CCDC61: variants seen among roughly 807,000 people sequenced by gnomAD.
The protein encoded by CCDC61 is centrosomal protein CCDC61.
In CCDC61, 55 loss-of-function variants were observed where a neutral mutation model predicts 63.0. The observed-to-expected ratio is 0.87, with a 90% confidence interval of 0.70 to 1.09. The LOEUF (loss-of-function observed/expected upper bound fraction) is 1.09. CCDC61 is among the 50% of genes least tolerant of loss of function. The pLI, the probability that CCDC61 is intolerant of heterozygous loss-of-function variation, is 0.00. For synonymous variants in CCDC61, 270 were observed against 317.0 expected, an observed-to-expected ratio of 0.85 and a Z score of 1.58; for missense variants, 651 against 731.4, an observed-to-expected ratio of 0.89 and a Z score of 1.27.
rs749112812 is a variant in CCDC61, at chr19:46,016,374, C to CAG, written c.1080_1081dup (p.Ile361ArgfsTer4). ...CTTTGTGAAAGCCAAGGAAAGGAAG[C>CAG]AGAGAGAGATCCAGATGAAGTCAGT... On this transcript the variant is annotated frameshift_variant, in exon 9 of 14. Coordinates refer to ENST00000595358, the MANE Select transcript of CCDC61 (RefSeq NM_001267723.2). LOFTEE classifies it high-confidence loss of function. This position sits in a 1 kb window ranked among gnomAD's most constrained non-coding sequence, Gnocchi z 7.2. 2.5e-6 allele frequency: 4 copies of CAG among 1,613,952 alleles called. No individual in the cohort carries two copies. Among genetic ancestry groups the CAG allele is most frequent in the Non-Finnish European group, 3.4e-6 (4 of 1,179,868 alleles).
chr19:46,005,084 C>T (rs1029422033), intron 3 of CCDC61, among the ~76,000 whole-genome samples: 3 of 151,954 alleles, frequency 2.0e-5, no homozygotes, highest in Non-Finnish European at 4.4e-5. Context: ...GATATTGGCT[C>T]ACTGCAACCT....
intron 1 of CCDC61, among the ~76,000 whole-genome samples, chr19:45,997,879 G>A (rs916785772): frequency 2.0e-5 from 3 of 151,474 alleles, no homozygotes; most frequent in Admixed American, 2.0e-4. Flanking sequence ...CAGAGATGGG[G>A]TTTCACCATC....
chr19:46,012,516 G>A (rs1246255691), intron 5 of CCDC61, among the ~76,000 whole-genome samples: 4 of 152,186 alleles, frequency 2.6e-5, no homozygotes, highest in Admixed American at 6.5e-5. Flanking sequence ...GCAGGGTGGC[G>A]CATGCCTGTA....
At chr19:46,014,445 T>C (rs1480348532) in intron 5 of CCDC61, among the ~76,000 whole-genome samples, 2 of 152,194 alleles carry the variant, frequency 1.3e-5, no homozygotes, top group Non-Finnish European at 2.9e-5. Flanking sequence ...ACAGAGATAC[T>C]CTACTTTCCT....
chr19:45,999,280 A>G (rs1028271979), intron 1 of CCDC61, among the ~76,000 whole-genome samples: 2 of 150,592 alleles, frequency 1.3e-5, no homozygotes, highest in Non-Finnish European at 3.0e-5. Flanking sequence ...TCTACAGTCT[A>G]TGGGGACAAT....
chr19:46,010,533 G>A (rs1002692078), intron 5 of CCDC61, among the ~76,000 whole-genome samples: 48 of 152,238 alleles, frequency 3.2e-4, no homozygotes, highest in Non-Finnish European at 5.6e-4. Context: ...GTTCTGGGAG[G>A]TGAGAACTGC....
chr19:46,018,214 A>C lies in CCDC61; in HGVS notation c.1441+64A>C. On this transcript the variant is annotated intron_variant, in intron 13 of 13. Coordinates refer to ENST00000595358, the MANE Select transcript of CCDC61 (RefSeq NM_001267723.2). This position sits in a 1 kb window ranked among gnomAD's most constrained non-coding sequence, Gnocchi z 4.2. ...GACCCGTTGGAATGGTAGTGCGGGC[A>C]GTGGTATATTGGGCCCAGGAACTCC... 4 of 1,551,414 alleles carry C rather than the reference A, an allele frequency of 2.6e-6. No individual in the cohort carries two copies. The South Asian group carries it at 4.7e-5, about 18-fold the overall frequency.
In CCDC61 at chr19:46,015,324, GC is replaced by G; in HGVS notation, c.763-17del. 1 of 1,592,948 alleles carries G rather than the reference GC, an allele frequency of 6.3e-7. No homozygotes were observed. The highest frequency in any genetic ancestry group is 8.5e-7 in the Non-Finnish European group (1 of 1,176,010). On this transcript the variant is annotated intron_variant, in intron 6 of 13. Coordinates refer to ENST00000595358, the MANE Select transcript of CCDC61 (RefSeq NM_001267723.2). The surrounding 1 kb of genome is among the most constrained non-coding windows in gnomAD (Gnocchi z 5.3). The stretch of plus-strand genomic sequence containing the variant: ...CCTCGGCCTCAGCCTGGACCTCCGC[GC>G]CCCTCTCCCCTCCCGGCAGCTCGAG...
intron 2 of CCDC61, 37 bp from the exon 3 acceptor site, chr19:46,003,382 C>T (rs755298437): frequency 2.2e-5 from 35 of 1,585,184 alleles, no homozygotes; most frequent in Admixed American, 1.2e-4. Flanking sequence ...GCTGGGCAAG[C>T]GGTCAGACCT....
intron 11 of CCDC61, 84 bp from the exon 12 acceptor site, chr19:46,017,163 G>A: frequency 9.8e-6 from 15 of 1,535,678 alleles, no homozygotes; most frequent in Non-Finnish European, 1.3e-5. Context: ...ATGGAGCCTG[G>A]GGGCCTTGAA....
rs937235118 is a variant in CCDC61 at position 46,015,593 on chromosome 19, T to C, written c.845+166T>C. On this transcript the variant is annotated intron_variant, in intron 7 of 13. Coordinates refer to ENST00000595358, the MANE Select transcript of CCDC61 (RefSeq NM_001267723.2). The surrounding 1 kb of genome is among the most constrained non-coding windows in gnomAD (Gnocchi z 5.3). Reference sequence around the variant, plus strand: ...GACCCCGTCTGGAGTCCAGACAGGATTTGGGTGCAGTGGTTAGGAGGTGGA... The same window carrying C: ...GACCCCGTCTGGAGTCCAGACAGGACTTGGGTGCAGTGGTTAGGAGGTGGA... Among the ~76,000 whole-genome samples the C allele has an allele frequency of 2.6e-5, 4 of 151,370 alleles. No individual in the cohort carries two copies. The highest frequency in any genetic ancestry group is 6.6e-5 in the Admixed American group (1 of 15,230).
In CCDC61 at chr19:46,003,126, G is replaced by A; in HGVS notation, c.108G>A (p.Arg36=). 2 of 1,613,474 alleles carry A rather than the reference G, an allele frequency of 1.2e-6. No homozygotes were observed. The highest frequency in any genetic ancestry group is 1.7e-6 in the Non-Finnish European group (2 of 1,179,710). The change falls in exon 2 of 14, where the codon CGG becomes CGA. Residue 36 remains arginine (R), a synonymous_variant. Coordinates refer to ENST00000595358, the MANE Select transcript of CCDC61 (RefSeq NM_001267723.2). Reference sequence around the variant, plus strand: ...TGCTGGAGCTGGAGGTGGAGGACCGGATGACGGCTGACCAGTGGCGGGGCG... The same window carrying A: ...TGCTGGAGCTGGAGGTGGAGGACCGAATGACGGCTGACCAGTGGCGGGGCG... ...GQVLELEVED[R]MTADQWRGEF...
intron 3 of CCDC61, among the ~76,000 whole-genome samples, chr19:46,006,070 A>T (rs913344737): frequency 6.6e-6 from 1 of 151,700 alleles, no homozygotes; most frequent in Non-Finnish European, 1.5e-5. Context: ...TTGTTTGTTT[A>T]TTTCTCTTCC....
In CCDC61 at chr19:46,015,565, G is replaced by T; in HGVS notation, c.845+138G>T. On this transcript the variant is annotated intron_variant, in intron 7 of 13. Transcript: ENST00000595358. This position sits in a 1 kb window ranked among gnomAD's most constrained non-coding sequence, Gnocchi z 5.3. Reference sequence around the variant, plus strand: ...GGGGCTGAAGGGGAGGCGGGGCTTAGCGGACCCCGTCTGGAGTCCAGACAG... The same window carrying T: ...GGGGCTGAAGGGGAGGCGGGGCTTATCGGACCCCGTCTGGAGTCCAGACAG... 3.9e-6 allele frequency: 3 copies of T among 765,466 alleles called. No homozygotes were observed. The highest frequency in any genetic ancestry group is 6.1e-6 in the Non-Finnish European group (3 of 490,964). 47.4% of individuals were successfully genotyped at this position (765,466 alleles called of 1,614,324 possible).
chr19:45,995,612 G>T, intron 1 of CCDC61, 108 bp downstream of exon 1: 1 of 376,158 alleles, frequency 2.7e-6, no homozygotes, highest in Non-Finnish European at 5.3e-6. Context: ...AGCTGACCTG[G>T]CCTTGTAGGA....
At chr19:46,010,933 C>T (rs148589754) in intron 5 of CCDC61, among the ~76,000 whole-genome samples, 3 of 152,318 alleles carry the variant, frequency 2.0e-5, no homozygotes, top group East Asian at 3.9e-4. Flanking sequence ...ACTGCGTATG[C>T]GTTCACACTT....
chr19:46,017,413 G>C, intron 12 of CCDC61, 109 bp downstream of exon 12: 1 of 1,034,168 alleles, frequency 9.7e-7, no homozygotes, highest in Non-Finnish European at 1.4e-6. Context: ...TTGGCAATAG[G>C]GCTTTTTTAA....
At position 46,011,160 on chromosome 19, in the gene CCDC61, C is replaced by T. The variant is rs570545798; in HGVS notation, c.551+2859C>T. Among the ~76,000 whole-genome samples the T allele has an allele frequency of 7.9e-5, 12 of 151,882 alleles. No individual in the cohort carries two copies. In the South Asian group the frequency reaches 2.5e-3, roughly 32 times the overall value. On this transcript the variant is annotated intron_variant, in intron 5 of 13. Coordinates refer to ENST00000595358, the MANE Select transcript of CCDC61 (RefSeq NM_001267723.2). ...ACCTCCTGGGCTCAAGCGATTCTCC[C>T]ACCTCAGCTTCCTGAGTAGCTGGGA...
intron 5 of CCDC61, among the ~76,000 whole-genome samples, chr19:46,011,000 G>A (rs924988864): frequency 1.3e-5 from 2 of 151,700 alleles, no homozygotes; most frequent in Non-Finnish European, 2.9e-5. Context: ...AATTCGTCCT[G>A]TATCTAAATA....
Sources: allele counts gnomAD v4.1 joint callset (sites outside exome capture counted in the v4.1 genomes callset), GRCh38; gene constraint gnomAD v4.1.1; non-coding constraint Gnocchi (gnomAD v3.1); transcripts MANE v1.5; gene names NCBI Gene and HGNC (gene_info 2026-07-23, HGNC 2026-07-21).